The following CYP19A1 variants were observed in gnomAD, a reference collection of about 807,000 sequenced individuals.
CYP19A1 encodes the protein cytochrome P450 family 19 subfamily A member 1.
Under a neutral mutation model 44.4 loss-of-function variants are expected in CYP19A1, and 32 were observed. That is an observed-to-expected ratio of 0.72 (90% CI 0.54 to 0.97). CYP19A1 has a LOEUF of 0.97. CYP19A1 is among the 50% of genes least tolerant of loss of function. The pLI, the probability that CYP19A1 is intolerant of heterozygous loss-of-function variation, is 0.00. For missense variants in CYP19A1, 598 were observed against 637.8 expected (o/e 0.94, Z 0.67); for synonymous variants, 212 against 215.6 (o/e 0.98, Z 0.14).
chr15:51,325,871 T>C (rs1007159814), intron 1 of CYP19A1, among the ~76,000 whole-genome samples: 2 of 145,962 alleles, frequency 1.4e-5, no homozygotes, highest in Admixed American at 1.4e-4. Context: ...AAAAGGGCAT[T>C]GAGTCCACCT....
chr15:51,269,685 A>G (rs1348422874), intron 1 of CYP19A1, among the ~76,000 whole-genome samples: 1 of 152,190 alleles, frequency 6.6e-6, no homozygotes, highest in Non-Finnish European at 1.5e-5. Flanking sequence ...TAAGGGTACT[A>G]GTGGTAGCCC....
At chr15:51,279,070 T>TTC (rs2035425684) in intron 1 of CYP19A1, 2 of 152,232 alleles carry the variant, frequency 1.3e-5, no homozygotes, top group African/African-American at 2.4e-5. Context: ...ACACACCTCC[T>TTC]TCCTGCATTT....
chr15:51,336,998 CAAG>C (rs2036787584), intron 1 of CYP19A1, among the ~76,000 whole-genome samples: 1 of 151,928 alleles, frequency 6.6e-6, no homozygotes, highest in Non-Finnish European at 1.5e-5. Flanking sequence ...ATCTGCCTCT[CAAG>C]AAATCTCAAG....
chr15:51,285,511 A>G (rs1296742279), intron 1 of CYP19A1, among the ~76,000 whole-genome samples: 1 of 152,226 alleles, frequency 6.6e-6, no homozygotes, highest in African/African-American at 2.4e-5. Context: ...AGTGTTGGGA[A>G]AAAAGCTGAG....
intron 1 of CYP19A1, chr15:51,313,027 C>G (rs1450582126): frequency 6.6e-6 from 1 of 152,268 alleles, no homozygotes; most frequent in Non-Finnish European, 1.5e-5. Flanking sequence ...CTTCATGTGG[C>G]CCCCACTCTG....
At chr15:51,291,083 C>T (rs1012135237) in intron 1 of CYP19A1, among the ~76,000 whole-genome samples, 2 of 152,170 alleles carry the variant, frequency 1.3e-5, no homozygotes, top group African/African-American at 2.4e-5. Context: ...TGTGATTGAG[C>T]CATCCTAAGT....
intron 1 of CYP19A1, among the ~76,000 whole-genome samples, chr15:51,249,120 A>T (rs1045209722): frequency 3.3e-5 from 5 of 151,886 alleles, no homozygotes; most frequent in Non-Finnish European, 7.4e-5. Context: ...TTGTATTTTT[A>T]GTAGAGACAG....
intron 4 of CYP19A1, among the ~76,000 whole-genome samples, chr15:51,227,313 A>G (rs555644019): frequency 6.6e-6 from 1 of 152,118 alleles, no homozygotes; most frequent in Non-Finnish European, 1.5e-5. Context: ...AACAATGGCT[A>G]CAACAGAGTA....
At chr15:51,237,304 T>C (rs778769352) in intron 2 of CYP19A1, among the ~76,000 whole-genome samples, 3 of 152,238 alleles carry the variant, frequency 2.0e-5, no homozygotes, top group Non-Finnish European at 4.4e-5. Context: ...TGCTAATTTC[T>C]TCCCAGGTTA....
intron 1 of CYP19A1, among the ~76,000 whole-genome samples, chr15:51,285,050 C>T (rs2035650541): frequency 6.6e-6 from 1 of 152,206 alleles, no homozygotes; most frequent in Non-Finnish European, 1.5e-5. Flanking sequence ...TGGGTGCAAT[C>T]CCCATAACAT....
chr15:51,305,846 C>T (rs1180098098), intron 1 of CYP19A1, among the ~76,000 whole-genome samples: 1 of 152,152 alleles, frequency 6.6e-6, no homozygotes, highest in African/African-American at 2.4e-5. Context: ...CAAGCATGAG[C>T]CACTGCGCGC....
rs1407423443 is a variant in CYP19A1, at chr15:51,254,460, C to T, written c.-38-11510G>A. On this transcript the variant is annotated intron_variant, in intron 1 of 9. Transcript: ENST00000396402. Reference sequence around the variant, plus strand: ...TACTTCTGAGACTTCAAGCAGTCTTCAGTTCTTCCTTAATATTTGACTGTG... The same window carrying T: ...TACTTCTGAGACTTCAAGCAGTCTTTAGTTCTTCCTTAATATTTGACTGTG... 2.0e-5 allele frequency among the ~76,000 whole-genome samples: 3 copies of T among 152,152 alleles called. No homozygotes were observed. In the East Asian group the frequency reaches 5.8e-4, roughly 29 times the overall value.
At chr15:51,294,471 G>A (rs1298973216) in intron 1 of CYP19A1, among the ~76,000 whole-genome samples, 2 of 120,854 alleles carry the variant, frequency 1.7e-5, no homozygotes, top group African/African-American at 6.8e-5. Context: ...GAGCCCCTCC[G>A]CCCGGCAGCT....
At chr15:51,335,482 A>G (rs570951158) in intron 1 of CYP19A1, among the ~76,000 whole-genome samples, 12 of 152,368 alleles carry the variant, frequency 7.9e-5, no homozygotes, top group African/African-American at 2.9e-4. Flanking sequence ...TGTGTTTTAT[A>G]CAAAAACCCC....
At chr15:51,280,549 A>G (rs1480978590) in intron 1 of CYP19A1, among the ~76,000 whole-genome samples, 2 of 151,832 alleles carry the variant, frequency 1.3e-5, no homozygotes, top group African/African-American at 4.8e-5. Flanking sequence ...GCCACTTCCT[A>G]CCTATCAGGA....
intron 1 of CYP19A1, among the ~76,000 whole-genome samples, chr15:51,298,423 T>G (rs1224187172): frequency 1.3e-5 from 2 of 152,224 alleles, no homozygotes; most frequent in African/African-American, 4.8e-5. Flanking sequence ...CCAGAAACAT[T>G]CTACTGATCT....
At chr15:51,330,998 T>C (rs529837275) in intron 1 of CYP19A1, among the ~76,000 whole-genome samples, 3 of 151,826 alleles carry the variant, frequency 2.0e-5, no homozygotes, top group South Asian at 2.1e-4. Context: ...AGATGAGGAG[T>C]ATAGCCACAT....
chr15:51,218,270 G>A (rs1489396614), intron 6 of CYP19A1, among the ~76,000 whole-genome samples: 2 of 152,120 alleles, frequency 1.3e-5, no homozygotes, highest in African/African-American at 4.8e-5. Context: ...AAATACACTA[G>A]TGTCCTAGTT....
At chr15:51,253,390 G>C (rs551593621) in intron 1 of CYP19A1, among the ~76,000 whole-genome samples, 1 of 152,302 alleles carries the variant, frequency 6.6e-6, no homozygotes, top group African/African-American at 2.4e-5. Flanking sequence ...CCTTTGAAAA[G>C]GTTACTATAT....
Sources: gnomAD v4.1 joint callset for allele counts (sites outside exome capture counted in the v4.1 genomes callset) on GRCh38, gnomAD v4.1.1 for gene constraint, MANE v1.5 for transcripts, NCBI Gene and HGNC (gene_info 2026-07-23, HGNC 2026-07-21) for gene names.